Variants in JCAD observed in about 807,000 individuals in gnomAD.
JCAD encodes the protein junctional cadherin 5-associated protein.
Under a neutral mutation model 98.0 loss-of-function variants are expected in JCAD, and 40 were observed. The observed-to-expected ratio is 0.41, with a 90% CI of 0.32 to 0.53. The LOEUF (loss-of-function observed/expected upper bound fraction) is 0.53. Ranked by LOEUF, JCAD falls within the 20% of genes least tolerant of loss-of-function variation. The pLI, the probability that JCAD is intolerant of heterozygous loss-of-function variation, is 0.31. For missense variants in JCAD, 1,705 were observed against 1,738.1 expected (o/e 0.98, Z 0.34); for synonymous variants, 691 against 682.3 (o/e 1.01, Z -0.20).
rs2132595499 is a variant in JCAD, at chr10:30,016,085, G to A, written c.*1798C>T. 6.6e-6 allele frequency: 1 copy of A among 152,298 alleles called. No individual in the cohort carries two copies. Among genetic ancestry groups the A allele is most frequent in the East Asian group, 1.9e-4 (1 of 5,190 alleles). 9.4% of individuals were successfully genotyped at this position (152,298 alleles called of 1,614,324 possible). A position where few individuals can be genotyped will look rare whatever the true frequency, so the allele number is the denominator to read the frequency against. On this transcript the variant is annotated 3_prime_UTR_variant, in exon 4 of 4. Transcript: ENST00000375377. The stretch of plus-strand genomic sequence containing the variant: ...TAAGTGTTTTGAAAAGGCTTGGAAA[G>A]ATTTTTCGGGGCGACTTAGGTTCTG...
At chr10:30,103,082 A>G (rs1285143564) in intron 1 of JCAD, among the ~76,000 whole-genome samples, 1 of 152,122 alleles carries the variant, frequency 6.6e-6, no homozygotes, top group Non-Finnish European at 1.5e-5. Context: ...CATATGACTG[A>G]TTTCTCTTAG....
chr10:30,021,623 T>G (rs936193396), intron 3 of JCAD, among the ~76,000 whole-genome samples: 2 of 152,240 alleles, frequency 1.3e-5, no homozygotes, highest in African/African-American at 4.8e-5. Context: ...TAAAAATTAT[T>G]GAGACATTTT....
intron 1 of JCAD, among the ~76,000 whole-genome samples, chr10:30,106,020 G>C (rs1838572963): frequency 1.3e-5 from 2 of 152,162 alleles, no homozygotes; most frequent in African/African-American, 4.8e-5. Flanking sequence ...ACTCCCTTCA[G>C]GATAAAATAT....
intron 1 of JCAD, among the ~76,000 whole-genome samples, chr10:30,102,145 C>T (rs542221267): frequency 1.2e-3 from 179 of 152,214 alleles, no homozygotes; most frequent in South Asian, 5.0e-3. Flanking sequence ...GAACACTTTA[C>T]GTAAGATCTT....
chr10:30,087,168 C>A (rs1219465525), intron 1 of JCAD, among the ~76,000 whole-genome samples: 4 of 152,174 alleles, frequency 2.6e-5, no homozygotes, highest in Non-Finnish European at 4.4e-5. Flanking sequence ...GGAGGCCAGG[C>A]ACGGTAGCTC....
chr10:30,051,284 G>GCACACACACA (rs58845322), intron 1 of JCAD, among the ~76,000 whole-genome samples: 3,896 of 146,834 alleles, frequency 0.027, 143 homozygotes, highest in African/African-American at 0.081. Context: ...ACACACGCAC[G>GCACACACACA]CACACACACA....
chr10:30,030,426 G>A (rs1836967751), intron 2 of JCAD, among the ~76,000 whole-genome samples: 2 of 152,108 alleles, frequency 1.3e-5, no homozygotes, highest in African/African-American at 4.8e-5. Flanking sequence ...GGGCAGCGGT[G>A]AGACCCTGCC....
At chr10:30,058,069 C>CT (rs1172134864) in intron 1 of JCAD, among the ~76,000 whole-genome samples, 3 of 152,240 alleles carry the variant, frequency 2.0e-5, no homozygotes, top group South Asian at 4.1e-4. Flanking sequence ...TGCAGACTGC[C>CT]TTTTTTTGCC....
chr10:30,058,642 G>C (rs1047003007), intron 1 of JCAD, among the ~76,000 whole-genome samples: 4 of 152,212 alleles, frequency 2.6e-5, no homozygotes, highest in African/African-American at 9.6e-5. Flanking sequence ...CCAGGGCATC[G>C]AGGCAAACCC....
chr10:30,100,712 T>A (rs915372977), intron 1 of JCAD, among the ~76,000 whole-genome samples: 1 of 152,198 alleles, frequency 6.6e-6, no homozygotes, highest in Non-Finnish European at 1.5e-5. Flanking sequence ...AAACAAAGCC[T>A]GAGGCATAAT....
chr10:30,044,649 G>T, intron 2 of JCAD: 1 of 199,082 alleles, frequency 5.0e-6, no homozygotes, highest in Non-Finnish European at 8.8e-6. Context: ...ATCAGATTCA[G>T]AATTCACATA....
chr10:30,017,556 C>T lies in JCAD; in HGVS notation c.*327G>A. The T allele has an allele frequency of 2.5e-6, 1 of 405,956 alleles. No individual in the cohort carries two copies. 25.1% of individuals were successfully genotyped at this position (405,956 alleles called of 1,614,324 possible). Reference sequence around the variant, plus strand: ...AGATCTTCCACATTGAAATCTTCACCCAGAATGAGAGCAACACCAAACTAT... The same window carrying T: ...AGATCTTCCACATTGAAATCTTCACTCAGAATGAGAGCAACACCAAACTAT... On this transcript the variant is annotated 3_prime_UTR_variant, in exon 4 of 4. Coordinates refer to ENST00000375377, the MANE Select transcript of JCAD (RefSeq NM_020848.4).
intron 1 of JCAD, among the ~76,000 whole-genome samples, chr10:30,103,550 A>G (rs565331447): frequency 1.1e-4 from 16 of 152,234 alleles, no homozygotes; most frequent in African/African-American, 3.4e-4. Context: ...GTTAAAATAG[A>G]TAAGAAAATA....
At chr10:30,046,886 G>A (rs1385931001) in intron 2 of JCAD, among the ~76,000 whole-genome samples, 1 of 152,184 alleles carries the variant, frequency 6.6e-6, no homozygotes, top group East Asian at 1.9e-4. Flanking sequence ...GAGGCCAGGA[G>A]TTAGAGATCA....
Position 30,067,904 on chromosome 10 carries a change from G to A in JCAD, n.250+1796C>T, listed in dbSNP as rs539369196. Among the ~76,000 whole-genome samples, 42 of 152,230 alleles carry A rather than the reference G, an allele frequency of 2.8e-4. No individual in the cohort carries two copies. The East Asian group carries it at 2.9e-3, about 10-fold the overall frequency. On this transcript the variant is annotated intron_variant and non_coding_transcript_variant, in intron 2 of 2. Coordinates refer to the JCAD transcript ENST00000465712. The stretch of plus-strand genomic sequence containing the variant: ...TGCTATAGCCTATTACTCCTAGGCC[G>A]CAAACCATGCAGCAAGTGACTCTAC...
rs370272259 is a variant in JCAD at position 30,028,246 on chromosome 10, C to T, written c.1902G>A (p.Leu634=). ...CACCCATGCTTCCTGTGAGGGCCTG[C>T]AGCTCCAGGTCGGTGGAAGACATGC... ...LLSMSSTDLE[L]QALTGSMGGR... The change falls in exon 3 of 4, where the codon CTG becomes CTA. Residue 634 remains leucine, a synonymous_variant. Transcript: ENST00000375377. The T allele has an allele frequency of 7.4e-6, 12 of 1,614,228 alleles. No homozygotes were observed. In the South Asian group the frequency reaches 8.8e-5, roughly 12 times the overall value.
chr10:30,030,983 T>A (rs1836978346), intron 2 of JCAD, among the ~76,000 whole-genome samples: 1 of 150,930 alleles, frequency 6.6e-6, no homozygotes, highest in Non-Finnish European at 1.5e-5. Flanking sequence ...TTGAGAAAGA[T>A]GTCTCTAGCA....
At position 30,029,575 on chromosome 10, in the gene JCAD, C is replaced by A. The variant is rs141450146; in HGVS notation, c.573G>T (p.Gln191His). 1.5e-4 allele frequency: 238 copies of A among 1,614,244 alleles called. No individual in the cohort carries two copies. The African/African-American group carries it at 2.9e-3, about 19-fold the overall frequency. Residue 191 changes from glutamine (Q) to histidine (H), a missense_variant, in exon 3 of 4, where the codon CAG becomes CAT. Around this residue, in one of 3 missense-constraint regions of JCAD, gnomAD observed 275 missense variants for 346.9 expected, o/e 0.79. Transcript: ENST00000375377. ...ACATCTGCCTCCCTAATTTCCTTGG[C>A]TGGTTCCAGCTTTCCAGGCTGACGT... ...WQNVSLESWN[Q>H]PRKLGRQMSD...
chr10:30,028,854 G>C lies in JCAD; in HGVS notation c.1294C>G (p.Arg432Gly). The change falls in exon 3 of 4, where the codon CGA becomes GGA. Residue 432 changes from arginine to glycine, a missense_variant. Around this residue, in one of 3 missense-constraint regions of JCAD, gnomAD observed 1,278 missense variants for 1,243.1 expected, o/e 1.03. Coordinates refer to ENST00000375377, the MANE Select transcript of JCAD (RefSeq NM_020848.4). ...QYIPFDDPRL[R>G]HFKLAQPQGF... ...TGGGGCTGAGCTAGTTTAAAATGTC[G>C]TAACCGTGGATCATCAAAGGGAATG... The C allele has an allele frequency of 6.2e-7, 1 of 1,614,188 alleles. No homozygotes were observed. The highest frequency in any genetic ancestry group is 8.5e-7 in the Non-Finnish European group (1 of 1,180,032).
Sources: gnomAD v4.1 joint callset for allele counts (sites outside exome capture counted in the v4.1 genomes callset) on GRCh38, gnomAD v4.1.1 for gene constraint, gnomAD v4.1.1 regional missense constraint, MANE v1.5 for transcripts, NCBI Gene and HGNC (gene_info 2026-07-23, HGNC 2026-07-21) for gene names.